SLMAP: variants seen among roughly 807,000 people sequenced by gnomAD.
The protein encoded by SLMAP is sarcolemma associated protein.
Under a neutral mutation model 128.8 loss-of-function variants are expected in SLMAP, and 44 were observed. The observed-to-expected ratio is 0.34, with a 90% confidence interval of 0.27 to 0.44. The LOEUF is 0.44. SLMAP is among the 20% of genes least tolerant of loss of function. The pLI is 1.00. For synonymous variants in SLMAP, 327 were observed against 348.8 expected (o/e 0.94, Z 0.70); for missense variants, 787 against 985.3 (o/e 0.80, Z 2.69).
Position 57,912,627 on chromosome 3 carries a change from G to A in SLMAP, c.1946G>A (p.Ser649Asn), listed in dbSNP as rs2096724707. 6.2e-7 allele frequency: 1 copy of A among 1,614,106 alleles called. No individual in the cohort carries two copies. The highest frequency in any genetic ancestry group is 8.5e-7 in the Non-Finnish European group (1 of 1,180,014). Reference protein sequence around the residue: ...AASEYEKEITSLQNSFQLRCQ... With the variant: ...AASEYEKEITNLQNSFQLRCQ... ...TCTGAATATGAGAAAGAAATCACAAGTCTGCAAAACAGTTTTCAGCTTAGA... is the reference window on the plus strand; with the variant it reads ...TCTGAATATGAGAAAGAAATCACAAATCTGCAAAACAGTTTTCAGCTTAGA... Residue 649 changes from serine to asparagine, a missense_variant, in exon 20 of 25, where the codon AGT (serine) becomes AAT (asparagine). By Grantham distance (46) the Ser-to-Asn change is conservative (BLOSUM62 1). Coordinates refer to ENST00000671191, the MANE Select transcript of SLMAP (RefSeq NM_001377540.1).
chr3:57,886,364 G>A (rs143726084), intron 14 of SLMAP, among the ~76,000 whole-genome samples: 2 of 152,232 alleles, frequency 1.3e-5, no homozygotes, highest in African/African-American at 4.8e-5. Context: ...CTCCCAATGT[G>A]CTGGGATTAC....
At chr3:57,807,836 G>A (rs1208797805) in intron 2 of SLMAP, among the ~76,000 whole-genome samples, 1 of 152,200 alleles carries the variant, frequency 6.6e-6, no homozygotes, top group Non-Finnish European at 1.5e-5. Flanking sequence ...AATAGTTTCA[G>A]AAGGAATGGT....
chr3:57,872,959 G>A (rs577194597), intron 14 of SLMAP, among the ~76,000 whole-genome samples: 14 of 152,116 alleles, frequency 9.2e-5, no homozygotes, highest in African/African-American at 3.1e-4. Context: ...TGTGCCCCCC[G>A]CTACCCTGCC....
chr3:57,847,438 T>C (rs1233211313), intron 5 of SLMAP, among the ~76,000 whole-genome samples: 1 of 152,240 alleles, frequency 6.6e-6, no homozygotes, highest in Non-Finnish European at 1.5e-5. Context: ...AAGGCTTTGT[T>C]ATCTCAGTTA....
chr3:57,760,692 C>G (rs2078446134), intron 2 of SLMAP, among the ~76,000 whole-genome samples: 2 of 151,822 alleles, frequency 1.3e-5, no homozygotes, highest in South Asian at 4.2e-4. Context: ...GCACTCCAGC[C>G]TGGGTATCAA....
chr3:57,788,483 T>TTCCC (rs2084725569), intron 2 of SLMAP, among the ~76,000 whole-genome samples: 1 of 152,104 alleles, frequency 6.6e-6, no homozygotes, highest in Non-Finnish European at 1.5e-5. Context: ...ACTTGGGAGT[T>TTCCC]ATCAGCCCAT....
Position 57,912,395 on chromosome 3 carries a change from T to C in SLMAP, c.1714T>C (p.Leu572=), listed in dbSNP as rs747175769. The change falls in exon 20 of 25, where the codon TTA becomes CTA. Residue 572 remains leucine (L), a synonymous_variant. Coordinates refer to ENST00000671191, the MANE Select transcript of SLMAP (RefSeq NM_001377540.1). ...IQVLQAQLQR[L]HIDTENLREE... ...TACTTTTGCAGCCCAATTGCAGAGGTTACACATCGATACTGAGAATCTCCG... is the reference window on the plus strand; with the variant it reads ...TACTTTTGCAGCCCAATTGCAGAGGCTACACATCGATACTGAGAATCTCCG... The C allele has an allele frequency of 1.2e-6, 2 of 1,611,368 alleles. No homozygotes were observed. Among genetic ancestry groups the C allele is most frequent in the South Asian group, 2.2e-5 (2 of 91,058 alleles).
At chr3:57,837,359 CTTTT>C (rs1261311550) in intron 3 of SLMAP, among the ~76,000 whole-genome samples, 1 of 152,078 alleles carries the variant, frequency 6.6e-6, no homozygotes, top group Admixed American at 6.6e-5. Flanking sequence ...CTTCATCTAT[CTTTT>C]GTTTGTTTGT....
At chr3:57,868,979 ATATATAT>A (rs1465220762) in intron 13 of SLMAP, among the ~76,000 whole-genome samples, 5 of 138,222 alleles carry the variant, frequency 3.6e-5, no homozygotes, top group African/African-American at 1.3e-4. Context: ...ATTATATATA[ATATATAT>A]TATATATGTG....
chr3:57,817,433 G>A (rs1471356861), intron 2 of SLMAP, among the ~76,000 whole-genome samples: 1 of 152,182 alleles, frequency 6.6e-6, no homozygotes, highest in South Asian at 2.1e-4. Context: ...GAAATGATGG[G>A]TAAATGATGA....
intron 2 of SLMAP, among the ~76,000 whole-genome samples, chr3:57,799,031 CCCATCT>C (rs1266151238): frequency 1.3e-5 from 2 of 151,940 alleles, no homozygotes. Context: ...AGAAGCTCTC[CCCATCT>C]CTGCATGATG....
At chr3:57,858,906 C>T (rs1297807073) in intron 8 of SLMAP, among the ~76,000 whole-genome samples, 2 of 151,902 alleles carry the variant, frequency 1.3e-5, no homozygotes, top group Non-Finnish European at 1.5e-5. Context: ...CGTGCCATTG[C>T]AATGTAGCCT....
At chr3:57,857,066 TAAAATG>T (rs1435303997) in intron 6 of SLMAP, among the ~76,000 whole-genome samples, 1 of 152,210 alleles carries the variant, frequency 6.6e-6, no homozygotes, top group African/African-American at 2.4e-5. Context: ...TGTGTGTGTA[TAAAATG>T]CAAACCTGAA....
chr3:57,896,807 ACAATAG>A, intron 16 of SLMAP, 60 bp from the exon 17 acceptor site: 1 of 1,507,754 alleles, frequency 6.6e-7, no homozygotes, highest in South Asian at 1.4e-5. Context: ...TGTTTTGATA[ACAATAG>A]CTTGCTGATA....
chr3:57,884,724 G>A (rs1238234477), intron 14 of SLMAP, among the ~76,000 whole-genome samples: 1 of 152,090 alleles, frequency 6.6e-6, no homozygotes, highest in African/African-American at 2.4e-5. Flanking sequence ...TGGGAGGATG[G>A]CTTGAGCCCA....
At chr3:57,864,948 A>T in intron 12 of SLMAP, 91 bp downstream of exon 12, 1 of 988,928 alleles carries the variant, frequency 1.0e-6, no homozygotes, top group Non-Finnish European at 1.5e-6. Flanking sequence ...TTTTTAAGGG[A>T]TGTTTTATGT....
At chr3:57,790,888 A>G (rs993591969) in intron 2 of SLMAP, among the ~76,000 whole-genome samples, 3 of 152,166 alleles carry the variant, frequency 2.0e-5, no homozygotes, top group Admixed American at 1.3e-4. Context: ...AATAATTTCA[A>G]TTTTAGAAAA....
chr3:57,848,516 TCTTC>T (rs1427857519), intron 5 of SLMAP, among the ~76,000 whole-genome samples: 6 of 150,524 alleles, frequency 4.0e-5, no homozygotes, highest in African/African-American at 1.5e-4. Context: ...TCTTTCTTCT[TCTTC>T]CTTCTTTCTC....
At chr3:57,779,049 A>G (rs2082476599) in intron 2 of SLMAP, among the ~76,000 whole-genome samples, 1 of 152,162 alleles carries the variant, frequency 6.6e-6, no homozygotes, top group East Asian at 1.9e-4. Flanking sequence ...GTTCATTGAC[A>G]GGAATATGTA....
Sources: gnomAD v4.1 joint callset for allele counts (sites outside exome capture counted in the v4.1 genomes callset) on GRCh38, gnomAD v4.1.1 for gene constraint, MANE v1.5 for transcripts, NCBI Gene and HGNC (gene_info 2026-07-23, HGNC 2026-07-21) for gene names.